Variants in INTS8 observed in about 807,000 individuals in gnomAD.
INTS8 encodes the protein protein kaonashi-1.
Under a neutral mutation model 138.9 loss-of-function variants are expected in INTS8, and 47 were observed. The ratio of observed to expected loss-of-function variants is 0.34; its 90% CI spans 0.27 to 0.43. The LOEUF is 0.43. Ranked by LOEUF, INTS8 falls within the 20% of genes least tolerant of loss-of-function variation. The pLI is 1.00. For synonymous variants in INTS8, 392 were observed against 400.9 expected (o/e 0.98, Z 0.27); for missense variants, 996 against 1,173.0 (o/e 0.85, Z 2.20).
intron 20 of INTS8, chr8:94,868,800 A>G (rs999143511): frequency 6.6e-6 from 1 of 151,676 alleles, no homozygotes; most frequent in African/African-American, 2.4e-5. Context: ...CCTGCCAAGT[A>G]TCTGGGATTA....
rs1563636939 is a variant in INTS8 at position 94,824,801 on chromosome 8, ACCCCCCC to A, written c.131-91_131-85del. 6.4e-3 allele frequency: 270 copies of A among 42,316 alleles called. 4 individuals are homozygous for A. The highest frequency in any genetic ancestry group is 0.028 in the Middle Eastern group (1 of 36). The allele number at this position is 42,316 out of a possible 1,614,324, so 2.6% of individuals were successfully genotyped here. ...ACCCAAACTCCCCCCCCCCCCACCC[ACCCCCCC>A]AAAAAAACCAAACCAATAGTGAATC... is the stretch of plus-strand genomic sequence containing the variant. On this transcript the variant is annotated intron_variant, in intron 1 of 26. Transcript: ENST00000523731.
At chr8:94,838,705 G>T (rs1237029874) in intron 8 of INTS8, 87 bp downstream of exon 8, 1 of 1,041,944 alleles carries the variant, frequency 9.6e-7, no homozygotes, top group Non-Finnish European at 1.4e-6. Context: ...TACCAGTTAC[G>T]CGTTTTGGGG....
chr8:94,825,077 A>G lies in INTS8; in HGVS notation c.305+10A>G, dbSNP rs749027022. The G allele has an allele frequency of 2.6e-6, 4 of 1,567,604 alleles. No individual in the cohort carries two copies. In the South Asian group the frequency reaches 4.5e-5, roughly 18 times the overall value. ...ACATATTAGAGAAAAGGTATCCAAGATTTCAGTGAAATTTCATTTGAAGTG... is the reference window on the plus strand; with the variant it reads ...ACATATTAGAGAAAAGGTATCCAAGGTTTCAGTGAAATTTCATTTGAAGTG... On this transcript the variant is annotated intron_variant, in intron 2 of 26. Transcript: ENST00000523731.
Position 94,865,381 on chromosome 8 carries a change from T to C in INTS8, c.2077-125T>C, listed in dbSNP as rs1431821469. On this transcript the variant is annotated intron_variant, in intron 16 of 26. Coordinates refer to ENST00000523731, the MANE Select transcript of INTS8 (RefSeq NM_017864.4). Reference sequence around the variant, plus strand: ...CAAAGGTTGTACAGAATGCACAGCATAAAATAACTGTGCTTAGTATGTTTG... The same window carrying C: ...CAAAGGTTGTACAGAATGCACAGCACAAAATAACTGTGCTTAGTATGTTTG... 5 of 720,658 alleles carry C rather than the reference T, an allele frequency of 6.9e-6. No homozygotes were observed. In the African/African-American group the frequency reaches 8.9e-5, roughly 13 times the overall value. 44.6% of individuals were successfully genotyped at this position (720,658 alleles called of 1,614,324 possible). A position where few individuals can be genotyped will look rare whatever the true frequency, so the allele number is the denominator to read the frequency against.
chr8:94,839,307 T>C (rs1466397665), intron 8 of INTS8, among the ~76,000 whole-genome samples: 2 of 152,220 alleles, frequency 1.3e-5, no homozygotes, highest in Non-Finnish European at 2.9e-5. Context: ...TGGGTGTTTA[T>C]CTTCAGTTTT....
intron 10 of INTS8, among the ~76,000 whole-genome samples, chr8:94,845,272 A>G (rs1255350550): frequency 6.6e-6 from 1 of 152,140 alleles, no homozygotes; most frequent in East Asian, 1.9e-4. Flanking sequence ...TGAAGCAGGA[A>G]GTGTGCCAGC....
intron 10 of INTS8, among the ~76,000 whole-genome samples, chr8:94,843,741 C>T (rs1197170295): frequency 1.3e-5 from 2 of 152,034 alleles, no homozygotes; most frequent in Non-Finnish European, 2.9e-5. Flanking sequence ...TCTAGGTGTG[C>T]ATACGTACCA....
chr8:94,878,620 C>T (rs752507563), intron 26 of INTS8, among the ~76,000 whole-genome samples: 1 of 152,132 alleles, frequency 6.6e-6, no homozygotes, highest in Non-Finnish European at 1.5e-5. Flanking sequence ...TCAACCTCTC[C>T]CATAGTCTAT....
chr8:94,877,170 T>C (rs1490208856), intron 26 of INTS8, among the ~76,000 whole-genome samples: 5 of 152,228 alleles, frequency 3.3e-5, no homozygotes. Context: ...ACTGATTAGA[T>C]GAACTCTTTA....
Position 94,832,010 on chromosome 8 carries a change from G to A in INTS8, c.589G>A (p.Asp197Asn). 1 of 1,599,622 alleles carries A rather than the reference G, an allele frequency of 6.3e-7. No individual in the cohort carries two copies. Among genetic ancestry groups the A allele is most frequent in the East Asian group, 2.2e-5 (1 of 44,710 alleles). Residue 197 changes from aspartate (D) to asparagine (N), a missense_variant, in exon 6 of 27, where the codon GAT becomes AAT. Asp to Asn is a conservative substitution (Grantham distance 23, BLOSUM62 1). Transcript: ENST00000523731. ...TCTGTAGCTCAAAGAACAAGCTGCT[G>A]ATTCTATTTTGGTACTAGAAGCAGC... ...ILKVLKEQAA[D>N]SILVLEAALK... is the part of the protein sequence containing the mutation.
chr8:94,831,829 C>A (rs1320411156), intron 5 of INTS8, among the ~76,000 whole-genome samples, 163 bp from the exon 6 acceptor site: 1 of 152,156 alleles, frequency 6.6e-6, no homozygotes, highest in Non-Finnish European at 1.5e-5. Context: ...TATTTCCCTT[C>A]ATTTAAGGTA....
At chr8:94,863,743 A>G (rs1412798560) in intron 16 of INTS8, among the ~76,000 whole-genome samples, 7 of 152,250 alleles carry the variant, frequency 4.6e-5, no homozygotes, top group African/African-American at 1.7e-4. Flanking sequence ...ACCTTAAAGC[A>G]TATGATCCCT....
chr8:94,847,227 A>T lies in INTS8; in HGVS notation c.1261-2235A>T, dbSNP rs184010515. On this transcript the variant is annotated intron_variant, in intron 10 of 26. Coordinates refer to ENST00000523731, the MANE Select transcript of INTS8 (RefSeq NM_017864.4). ...GCTAATTTTTTTGTAGTTTTATTAG[A>T]GACGGGGTTTTACCATGTTGGCTGG... Among the ~76,000 whole-genome samples, 160 of 152,136 alleles carry T rather than the reference A, an allele frequency of 1.1e-3. 2 individuals carry two copies. Among genetic ancestry groups the T allele is most frequent in the Non-Finnish European group, 1.8e-3 (120 of 67,986 alleles).
rs145856651 is a variant in INTS8 at position 94,862,987 on chromosome 8, A to G, written c.2077-2519A>G. Among the ~76,000 whole-genome samples the G allele has an allele frequency of 3.9e-5, 6 of 152,338 alleles. No individual in the cohort carries two copies. In the East Asian group the frequency reaches 1.2e-3, roughly 29 times the overall value. On this transcript the variant is annotated intron_variant, in intron 16 of 26. Transcript: ENST00000523731. ...CATAGGAACATATTTTCCTACTCATATATTACGTAATCACAAATAGGAACA... is the reference window on the plus strand; with the variant it reads ...CATAGGAACATATTTTCCTACTCATGTATTACGTAATCACAAATAGGAACA...
intron 12 of INTS8, among the ~76,000 whole-genome samples, chr8:94,850,639 A>G (rs1037611070): frequency 1.3e-5 from 2 of 149,146 alleles, no homozygotes; most frequent in Non-Finnish European, 3.0e-5. Context: ...AAAGATTTTC[A>G]CCGGAGAAAT....
At chr8:94,837,869 A>AT (rs904907561) in intron 7 of INTS8, among the ~76,000 whole-genome samples, 84 of 151,966 alleles carry the variant, frequency 5.5e-4, no homozygotes, top group Non-Finnish European at 1.1e-3. Context: ...TATTCTTACC[A>AT]TTTTTTTGGT....
chr8:94,859,719 A>C, intron 16 of INTS8, 87 bp downstream of exon 16: 1 of 1,043,478 alleles, frequency 9.6e-7, no homozygotes. Context: ...AACTTGTCTA[A>C]TTTCTGTGAT....
In INTS8 at chr8:94,823,687, C is replaced by T. The variant is rs1358656902; in HGVS notation, c.130+126C>T. On this transcript the variant is annotated intron_variant, in intron 1 of 26. Coordinates refer to ENST00000523731, the MANE Select transcript of INTS8 (RefSeq NM_017864.4). ...CTGGGAGGCGCGCACAGGAGCCCAG[C>T]TCCGGCCGGGCTCCTCGCTTCCCTT... is the stretch of plus-strand genomic sequence containing the variant. The T allele has an allele frequency of 5.5e-6, 4 of 730,522 alleles. No homozygotes were observed. In the South Asian group the frequency reaches 5.9e-5, roughly 11 times the overall value. 45.3% of individuals were successfully genotyped at this position (730,522 alleles called of 1,614,324 possible). A position where few individuals can be genotyped will look rare whatever the true frequency, so the allele number is the denominator to read the frequency against.
chr8:94,877,689 G>T (rs1376260748), intron 26 of INTS8, among the ~76,000 whole-genome samples: 1 of 152,074 alleles, frequency 6.6e-6, no homozygotes, highest in African/African-American at 2.4e-5. Context: ...CATCTATGAG[G>T]TGTTATTTTT....
Sources: gnomAD v4.1 joint callset for allele counts (sites outside exome capture counted in the v4.1 genomes callset) on GRCh38, gnomAD v4.1.1 for gene constraint, MANE v1.5 for transcripts, NCBI Gene and HGNC (gene_info 2026-07-23, HGNC 2026-07-21) for gene names.